Variants in RFX3 observed in about 807,000 individuals in gnomAD.
RFX3 encodes the protein transcription factor RFX3.
Under a neutral mutation model 98.6 loss-of-function variants are expected in RFX3, and 14 were observed. The ratio of observed to expected loss-of-function variants is 0.14; its 90% CI spans 0.09 to 0.22. The LOEUF (loss-of-function observed/expected upper bound fraction) is 0.22. Among genes scored for constraint, RFX3 ranks in the 10% least tolerant of loss-of-function variants. The pLI, the probability that RFX3 is intolerant of heterozygous loss-of-function variation, is 1.00. For synonymous variants in RFX3, 383 were observed against 328.4 expected (o/e 1.17, Z -1.80); for missense variants, 639 against 926.9 (o/e 0.69, Z 4.03).
At chr9:3,344,612 T>A in intron 3 of RFX3, 1 of 535,138 alleles carries the variant, frequency 1.9e-6, no homozygotes, top group Non-Finnish European at 3.3e-6. Flanking sequence ...ACTGCCCTTT[T>A]CCCTTGTCAC....
At chr9:3,352,853 T>C (rs957442256) in intron 2 of RFX3, among the ~76,000 whole-genome samples, 2 of 151,948 alleles carry the variant, frequency 1.3e-5, no homozygotes, top group Non-Finnish European at 2.9e-5. Context: ...ATGGTCTCAC[T>C]GAGATAAGGA....
chr9:3,525,034 TAA>T (rs1819114816), intron 1 of RFX3, among the ~76,000 whole-genome samples: 1 of 151,636 alleles, frequency 6.6e-6, no homozygotes, highest in Non-Finnish European at 1.5e-5. Flanking sequence ...GAATGGATGT[TAA>T]GACTGTTTGC....
chr9:3,246,657 C>T (rs1191676090), intron 15 of RFX3, among the ~76,000 whole-genome samples: 1 of 152,150 alleles, frequency 6.6e-6, no homozygotes, highest in African/African-American at 2.4e-5. Context: ...GCTACCTGGG[C>T]ATTTTCCAAC....
In RFX3 at chr9:3,288,270, A is replaced by G; in HGVS notation, c.732-20T>C. On this transcript the variant is annotated intron_variant, in intron 6 of 16. Coordinates refer to ENST00000617270, the MANE Select transcript of RFX3 (RefSeq NM_001282116.2). ...TTTCCTCTTCATTAATGAACAAGAA[A>G]CATTAGAAACAAAAGTCAGTCAAAC... is the stretch of plus-strand genomic sequence containing the variant. 2 of 1,609,074 alleles carry G rather than the reference A, an allele frequency of 1.2e-6. No individual in the cohort carries two copies. Among genetic ancestry groups the G allele is most frequent in the African/African-American group, 1.3e-5 (1 of 74,940 alleles).
chr9:3,342,029 G>T (rs889179616), intron 3 of RFX3, among the ~76,000 whole-genome samples: 1 of 152,066 alleles, frequency 6.6e-6, no homozygotes, highest in Non-Finnish European at 1.5e-5. Context: ...TCCTTTTAAG[G>T]TTCCTTATTA....
At chr9:3,331,604 T>C (rs1433645522) in intron 3 of RFX3, among the ~76,000 whole-genome samples, 1 of 152,142 alleles carries the variant, frequency 6.6e-6, no homozygotes, top group Non-Finnish European at 1.5e-5. Flanking sequence ...TCTTAACCTT[T>C]TTTGTCCCTT....
At chr9:3,274,876 A>G (rs1824990469) in intron 9 of RFX3, among the ~76,000 whole-genome samples, 1 of 152,006 alleles carries the variant, frequency 6.6e-6, no homozygotes, top group Non-Finnish European at 1.5e-5. Context: ...ATATCCATAC[A>G]TATGGATATA....
At chr9:3,379,014 T>C (rs996875281) in intron 2 of RFX3, among the ~76,000 whole-genome samples, 3 of 152,148 alleles carry the variant, frequency 2.0e-5, no homozygotes, top group African/African-American at 7.2e-5. Context: ...TGTAAATAAA[T>C]TACTGTCAAT....
At chr9:3,260,300 GGGTA>G (rs1405869563) in intron 13 of RFX3, among the ~76,000 whole-genome samples, 1 of 151,918 alleles carries the variant, frequency 6.6e-6, no homozygotes, top group African/African-American at 2.4e-5. Context: ...GGAAAAGAAA[GGGTA>G]TTCTTAAAGT....
chr9:3,270,677 G>C (rs1824305790), intron 10 of RFX3, 152 bp from the exon 11 acceptor site: 1 of 757,856 alleles, frequency 1.3e-6, no homozygotes, highest in African/African-American at 1.8e-5. Context: ...TATATACCGA[G>C]AGAGACAGAC....
chr9:3,322,075 C>T (rs114732299), intron 4 of RFX3, among the ~76,000 whole-genome samples: 1,835 of 152,084 alleles, frequency 0.012, 47 homozygotes, highest in African/African-American at 0.041. Context: ...CACCCCATCC[C>T]TCATTATTTT....
intron 2 of RFX3, among the ~76,000 whole-genome samples, chr9:3,348,455 A>G (rs10813970): frequency 0.058 from 8,794 of 151,328 alleles, 807 homozygotes; most frequent in East Asian, 0.48. Context: ...ATTGATGATC[A>G]TTTCCTACAG....
At chr9:3,413,697 T>C (rs2132218591) in intron 1 of RFX3, among the ~76,000 whole-genome samples, 1 of 152,244 alleles carries the variant, frequency 6.6e-6, no homozygotes, top group African/African-American at 2.4e-5. Flanking sequence ...GTTCATTGCT[T>C]TAACACCTTT....
intron 4 of RFX3, among the ~76,000 whole-genome samples, chr9:3,317,613 C>T (rs1164061281): frequency 6.6e-6 from 1 of 152,194 alleles, no homozygotes; most frequent in African/African-American, 2.4e-5. Context: ...TTTTTACAAT[C>T]TACCCATCTG....
intron 1 of RFX3, among the ~76,000 whole-genome samples, chr9:3,417,251 G>C (rs1201918370): frequency 6.6e-6 from 1 of 151,966 alleles, no homozygotes; most frequent in South Asian, 2.1e-4. Flanking sequence ...CAGTATTATT[G>C]ATGGATATTT....
intron 6 of RFX3, among the ~76,000 whole-genome samples, chr9:3,290,323 A>C (rs1827180198): frequency 6.6e-6 from 1 of 152,160 alleles, no homozygotes; most frequent in African/African-American, 2.4e-5. Context: ...TATGGATTCT[A>C]CTCATTCACA....
At chr9:3,229,023 C>T in intron 15 of RFX3, 134 bp from the exon 16 acceptor site, 1 of 601,410 alleles carries the variant, frequency 1.7e-6, no homozygotes, top group Non-Finnish European at 2.8e-6. Flanking sequence ...TCTCTAATTA[C>T]ATGGATCACA....
intron 14 of RFX3, among the ~76,000 whole-genome samples, chr9:3,249,673 A>C (rs979539251): frequency 1.3e-5 from 2 of 152,122 alleles, no homozygotes; most frequent in African/African-American, 4.8e-5. Flanking sequence ...AAATAATAAT[A>C]ATAAGAATAA....
intron 15 of RFX3, among the ~76,000 whole-genome samples, chr9:3,244,399 G>A (rs144167272): frequency 6.6e-6 from 1 of 152,262 alleles, no homozygotes; most frequent in African/African-American, 2.4e-5. Context: ...ACTTCGAACT[G>A]TACCTGGCAC....
Sources: gnomAD v4.1 joint callset for allele counts (sites outside exome capture counted in the v4.1 genomes callset) on GRCh38, gnomAD v4.1.1 for gene constraint, MANE v1.5 for transcripts, NCBI Gene and HGNC (gene_info 2026-07-23, HGNC 2026-07-21) for gene names.